SMIM35: variants seen among roughly 807,000 people sequenced by gnomAD.
The protein encoded by SMIM35 is TMPRSS4 antisense RNA 1 (non-protein coding).
At chr11:118,029,668 G>A in intron 1 of SMIM35, 2 of 457,312 alleles carry the variant, frequency 4.4e-6, no homozygotes, top group Non-Finnish European at 8.8e-6. Flanking sequence ...CATCAGTTGG[G>A]TCTAGTTTGC....
At chr11:118,025,240 G>A (rs1159321661) in intron 1 of SMIM35, 2 of 302,772 alleles carry the variant, frequency 6.6e-6, no homozygotes, top group African/African-American at 4.5e-5. Context: ...ATGAGTGCAT[G>A]TGACTTTTTG....
chr11:118,080,312 G>C (rs1945021909), intron 1 of SMIM35, among the ~76,000 whole-genome samples: 1 of 152,166 alleles, frequency 6.6e-6, no homozygotes, highest in Non-Finnish European at 1.5e-5. Flanking sequence ...CCAGACACAG[G>C]GGACTGCATG....
intron 1 of SMIM35, among the ~76,000 whole-genome samples, chr11:118,036,514 G>A (rs1367884302): frequency 6.6e-6 from 1 of 152,216 alleles, no homozygotes. Context: ...CAGCTGACAG[G>A]TCTTCATGCA....
intron 1 of SMIM35, among the ~76,000 whole-genome samples, chr11:118,039,285 T>A (rs1943962700): frequency 1.3e-5 from 2 of 152,200 alleles, no homozygotes; most frequent in Admixed American, 6.5e-5. Flanking sequence ...TCTCAACAGG[T>A]AGCTTTGGTG....
chr11:118,016,457 G>A (rs1207104208), intron 1 of SMIM35, among the ~76,000 whole-genome samples: 1 of 152,180 alleles, frequency 6.6e-6, no homozygotes, highest in South Asian at 2.1e-4. Flanking sequence ...GACAGTGGGG[G>A]CACCCTACGG....
intron 1 of SMIM35, among the ~76,000 whole-genome samples, chr11:118,040,074 G>A (rs910037323): frequency 1.3e-5 from 2 of 149,884 alleles, no homozygotes; most frequent in African/African-American, 4.9e-5. Flanking sequence ...AAATCAGCCG[G>A]GCATGATGGT....
chr11:118,065,469 C>CT (rs1468085995), intron 1 of SMIM35, among the ~76,000 whole-genome samples: 3 of 152,238 alleles, frequency 2.0e-5, no homozygotes, highest in Non-Finnish European at 4.4e-5. Context: ...AAAACCCCAA[C>CT]TTTCACACCT....
intron 1 of SMIM35, among the ~76,000 whole-genome samples, chr11:118,027,800 G>A (rs1036815513): frequency 6.6e-6 from 1 of 152,198 alleles, no homozygotes; most frequent in African/African-American, 2.4e-5. Context: ...AGGTGTTTGA[G>A]AGAATGAGGC....
At position 118,058,415 on chromosome 11, in the gene SMIM35, G is replaced by A. The variant is rs186029452; in HGVS notation, c.7+28336C>T. On this transcript the variant is annotated intron_variant, in intron 1 of 4. Transcript: ENST00000689828. ...CTAGAGCTGCACATGGACCCAAGGC[G>A]GGAGGGGCGCAGGCCTGGGCAGGTG... Among the ~76,000 whole-genome samples, 603 of 152,308 alleles carry A rather than the reference G, an allele frequency of 4.0e-3. 5 individuals are homozygous for A. Among genetic ancestry groups the A allele is most frequent in the Middle Eastern group, 0.014 (4 of 294 alleles).
chr11:118,031,829 G>A (rs1409913964), intron 1 of SMIM35: 2 of 151,950 alleles, frequency 1.3e-5, no homozygotes, highest in East Asian at 3.9e-4. Context: ...ACCACCTGAG[G>A]GGAGGCGAGG....
chr11:118,048,962 A>AAAAAAAAAAAAAAAAAAAAAAAAAAC (rs1944160684), intron 1 of SMIM35, among the ~76,000 whole-genome samples: 1 of 150,582 alleles, frequency 6.6e-6, no homozygotes, highest in African/African-American at 2.4e-5. Flanking sequence ...AAAAAAAAAA[A>AAAAAAAAAAAAAAAAAAAAAAAAAAC]AAGCAAGTGA....
chr11:118,023,452 C>G (rs1451072531), intron 1 of SMIM35, among the ~76,000 whole-genome samples: 1 of 151,752 alleles, frequency 6.6e-6, no homozygotes, highest in Non-Finnish European at 1.5e-5. Flanking sequence ...GTGCTGCACC[C>G]ATTAACTCGT....
intron 1 of SMIM35, among the ~76,000 whole-genome samples, chr11:118,051,848 TAATAC>T (rs1393358383): frequency 2.0e-5 from 3 of 151,956 alleles, no homozygotes; most frequent in African/African-American, 4.8e-5. Flanking sequence ...ATACTAATAC[TAATAC>T]TAATACTAAT....
At chr11:118,066,059 G>C (rs908682910) in intron 1 of SMIM35, among the ~76,000 whole-genome samples, 2 of 151,242 alleles carry the variant, frequency 1.3e-5, no homozygotes, top group African/African-American at 4.9e-5. Context: ...CCCCAAACCA[G>C]CCACAGGACC....
At chr11:118,031,496 T>C (rs562889762) in intron 1 of SMIM35, among the ~76,000 whole-genome samples, 29 of 152,294 alleles carry the variant, frequency 1.9e-4, no homozygotes, top group Non-Finnish European at 3.5e-4. Context: ...TAGCTTCTAT[T>C]GGACAAAGCA....
chr11:118,083,898 G>A (rs555184624), intron 1 of SMIM35, among the ~76,000 whole-genome samples: 31 of 152,044 alleles, frequency 2.0e-4, no homozygotes, highest in Admixed American at 1.2e-3. Context: ...TTAGCTGGGC[G>A]GTGGTGGCAG....
At chr11:118,007,017 TCTC>T (rs983483987) in intron 4 of SMIM35, among the ~76,000 whole-genome samples, 10 of 152,068 alleles carry the variant, frequency 6.6e-5, no homozygotes, top group African/African-American at 2.4e-4. Context: ...ACATGATCCT[TCTC>T]CTTCTTGGCT....
chr11:118,061,539 C>A (rs1293785938), intron 1 of SMIM35, among the ~76,000 whole-genome samples: 1 of 152,090 alleles, frequency 6.6e-6, no homozygotes, highest in Admixed American at 6.6e-5. Flanking sequence ...AACTAAGTTA[C>A]CAGACGAACA....
intron 1 of SMIM35, among the ~76,000 whole-genome samples, chr11:118,082,725 C>A (rs552774856): frequency 4.6e-5 from 7 of 151,968 alleles, no homozygotes; most frequent in African/African-American, 1.2e-4. Context: ...GAAAAAAAAA[C>A]CCAAATTACC....
Sources: gnomAD v4.1 joint callset for allele counts (sites outside exome capture counted in the v4.1 genomes callset) on GRCh38, gnomAD v4.1.1 for gene constraint, MANE v1.5 for transcripts, NCBI Gene and HGNC (gene_info 2026-07-23, HGNC 2026-07-21) for gene names.